The following FAM193B variants were observed in gnomAD, a reference collection of about 807,000 sequenced individuals.
FAM193B encodes protein FAM193B.
Under a neutral mutation model 70.7 loss-of-function variants are expected in FAM193B, and 27 were observed. The observed-to-expected ratio is 0.38, with a 90% CI of 0.28 to 0.53. The LOEUF is 0.53. FAM193B is among the 20% of genes least tolerant of loss of function. The pLI is 0.81. For synonymous variants in FAM193B, 448 were observed against 436.0 expected, an observed-to-expected ratio of 1.03 and a Z score of -0.34; for missense variants, 1,022 against 1,072.5, an observed-to-expected ratio of 0.95 and a Z score of 0.66.
chr5:177,520,507 C>T (rs77823252), intron 8 of FAM193B, among the ~76,000 whole-genome samples: 3,280 of 152,174 alleles, frequency 0.022, 53 homozygotes, highest in Middle Eastern at 0.044. Flanking sequence ...TGTAGGTGCA[C>T]AGCCCGGGGG....
chr5:177,553,978 G>A (rs888164575), intron 1 of FAM193B: 4 of 1,266,174 alleles, frequency 3.2e-6, no homozygotes, highest in Admixed American at 3.5e-5. Context: ...CCCAGTCCCA[G>A]TGTGGGTGTA....
chr5:177,549,592 G>T lies in FAM193B; in HGVS notation c.210+4657C>A, dbSNP rs569612192. Among the ~76,000 whole-genome samples the T allele has an allele frequency of 5.9e-5, 9 of 152,360 alleles. No homozygotes were observed. In the South Asian group the frequency reaches 1.9e-3, roughly 32 times the overall value. ...GGATTTGAACCTTTATTCAGAGGAA[G>T]CCGATGCTATATCTCCTTCTAGCAT... On this transcript the variant is annotated intron_variant, in intron 1 of 8. Transcript: ENST00000514747.
In FAM193B at chr5:177,540,499, T is replaced by C. The variant is rs575313486; in HGVS notation, c.211-1352A>G. ...CTTTGGCCAATGGGATGTTAGCAAA[T>C]AGGCTGCCAGCCATAAACCTGAAAG... On this transcript the variant is annotated intron_variant, in intron 1 of 8. Transcript: ENST00000514747. Among the ~76,000 whole-genome samples, 9 of 152,262 alleles carry C rather than the reference T, an allele frequency of 5.9e-5. No individual in the cohort carries two copies. In the South Asian group the frequency reaches 1.9e-3, roughly 32 times the overall value.
At chr5:177,537,384 G>A (rs1257783019) in intron 3 of FAM193B, among the ~76,000 whole-genome samples, 1 of 152,140 alleles carries the variant, frequency 6.6e-6, no homozygotes, top group African/African-American at 2.4e-5. Flanking sequence ...GTTATTTCAG[G>A]GTCAAAGAAG....
At chr5:177,539,387 G>A (rs755864446) in intron 1 of FAM193B, 16 of 481,454 alleles carry the variant, frequency 3.3e-5, no homozygotes, top group Non-Finnish European at 4.0e-5. Flanking sequence ...AAAAGCTAGC[G>A]AGTGGTTGAA....
intron 1 of FAM193B, among the ~76,000 whole-genome samples, chr5:177,542,383 T>C (rs1764956907): frequency 6.6e-6 from 1 of 152,226 alleles, no homozygotes. Context: ...GAAATAAATG[T>C]GACAAAGCAC....
Position 177,539,075 on chromosome 5 carries a change from C to A in FAM193B, c.283G>T (p.Glu95Ter). 6.2e-7 allele frequency: 1 copy of A among 1,613,344 alleles called. No homozygotes were observed. The highest frequency in any genetic ancestry group is 8.5e-7 in the Non-Finnish European group (1 of 1,179,590). Residue 95 changes from glutamate (E) to a stop codon, truncating the protein, a stop_gained, in exon 2 of 9, where the codon GAA becomes TAA. Coordinates refer to ENST00000514747, the MANE Select transcript of FAM193B (RefSeq NM_001190946.3). LOFTEE classifies it high-confidence loss of function. Reference sequence around the variant, plus strand: ...ACCAGTCCATTTTGAGAAGGGCCTTCTTCCCAGCCTTTGCGTTCCCGGTGA... The same window carrying A: ...ACCAGTCCATTTTGAGAAGGGCCTTATTCCCAGCCTTTGCGTTCCCGGTGA... ...LCHRERKGWE[E>*]GPSQNGLVLQ... is the part of the protein sequence containing the mutation.
chr5:177,521,503 G>A (rs2127442999), intron 8 of FAM193B, among the ~76,000 whole-genome samples: 1 of 152,218 alleles, frequency 6.6e-6, no homozygotes. Context: ...TTCACTCAGG[G>A]CTGGCCCCTT....
At position 177,538,131 on chromosome 5, in the gene FAM193B, C is replaced by T. The variant is rs1347058991; in HGVS notation, c.454-24G>A. Reference sequence around the variant, plus strand: ...ATCTGGAGAAGGGGGAGGAAAAAGGCTCACGGTCAAACAGCAAACATCGGA... The same window carrying T: ...ATCTGGAGAAGGGGGAGGAAAAAGGTTCACGGTCAAACAGCAAACATCGGA... On this transcript the variant is annotated intron_variant, in intron 2 of 8. Transcript: ENST00000514747. This position sits in a 1 kb window ranked among gnomAD's most constrained non-coding sequence, Gnocchi z 4.1. The T allele has an allele frequency of 4.6e-6, 7 of 1,518,726 alleles. No individual in the cohort carries two copies. The highest frequency in any genetic ancestry group is 6.2e-6 in the Non-Finnish European group (7 of 1,125,646). 94.1% of individuals were successfully genotyped at this position (1,518,726 alleles called of 1,614,324 possible).
At chr5:177,529,277 G>T (rs1386450820) in intron 5 of FAM193B, among the ~76,000 whole-genome samples, 1 of 151,504 alleles carries the variant, frequency 6.6e-6, no homozygotes. Flanking sequence ...GCTGGCAGTG[G>T]GAGAAGGGAG....
chr5:177,525,321 T>A, intron 5 of FAM193B, 116 bp from the exon 6 acceptor site: 1 of 1,124,562 alleles, frequency 8.9e-7, no homozygotes, highest in Non-Finnish European at 1.2e-6. Flanking sequence ...AGCAAAGCCT[T>A]AAAATCCTAG....
chr5:177,548,405 C>T (rs141521663), intron 1 of FAM193B, among the ~76,000 whole-genome samples: 28 of 152,312 alleles, frequency 1.8e-4, no homozygotes, highest in Admixed American at 1.8e-3. Context: ...TGGAAGTTGG[C>T]AAATATCATT....
At position 177,531,234 on chromosome 5, in the gene FAM193B, G is replaced by C. The variant is rs963351806; in HGVS notation, c.1275+1209C>G. ...CAGAAGTCCTGGGGGTTGGGGCGAGGGTCCTCAGGGAGGAGAGACGGCAGA... is the reference window on the plus strand; with the variant it reads ...CAGAAGTCCTGGGGGTTGGGGCGAGCGTCCTCAGGGAGGAGAGACGGCAGA... On this transcript the variant is annotated intron_variant, in intron 5 of 8. Coordinates refer to ENST00000514747, the MANE Select transcript of FAM193B (RefSeq NM_001190946.3). 6 of 1,223,150 alleles carry C rather than the reference G, an allele frequency of 4.9e-6. No individual in the cohort carries two copies. In the African/African-American group the frequency reaches 9.5e-5, roughly 19 times the overall value. The allele number at this position is 1,223,150 out of a possible 1,614,324, so 75.8% of individuals were successfully genotyped here. A position where few individuals can be genotyped will look rare whatever the true frequency, so the allele number is the denominator to read the frequency against.
chr5:177,543,828 C>T (rs113655516), intron 1 of FAM193B, among the ~76,000 whole-genome samples: 38 of 152,362 alleles, frequency 2.5e-4, no homozygotes, highest in African/African-American at 8.9e-4. Context: ...CAATCAGCTG[C>T]TCCCAAGCTG....
intron 5 of FAM193B, among the ~76,000 whole-genome samples, chr5:177,527,575 A>G (rs965199902): frequency 6.6e-6 from 1 of 152,238 alleles, no homozygotes; most frequent in Admixed American, 6.5e-5. Flanking sequence ...CACTCTGCCT[A>G]ACCTTTCCAT....
intron 4 of FAM193B, among the ~76,000 whole-genome samples, chr5:177,534,601 C>T (rs931559549): frequency 6.6e-6 from 1 of 151,880 alleles, no homozygotes; most frequent in African/African-American, 2.4e-5. Context: ...CGCGCCTGGC[C>T]AGCAAAATTG....
chr5:177,532,203 A>C lies in FAM193B; in HGVS notation c.1275+240T>G. ...TCTGCCATTTCCTTTCCTTTTGCCT[A>C]AGGAAAAAAAGTCAATCTTAAGAGA... On this transcript the variant is annotated intron_variant, in intron 5 of 8. Coordinates refer to ENST00000514747, the MANE Select transcript of FAM193B (RefSeq NM_001190946.3). The surrounding 1 kb of genome is among the most constrained non-coding windows in gnomAD (Gnocchi z 4.9). The C allele has an allele frequency of 6.7e-7, 1 of 1,495,188 alleles. No homozygotes were observed. Among genetic ancestry groups the C allele is most frequent in the Non-Finnish European group, 8.9e-7 (1 of 1,124,706 alleles). 92.6% of individuals were successfully genotyped at this position (1,495,188 alleles called of 1,614,324 possible). A position where few individuals can be genotyped will look rare whatever the true frequency, so the allele number is the denominator to read the frequency against.
At chr5:177,531,205 G>A (rs983493789) in intron 5 of FAM193B, 1 of 1,190,262 alleles carries the variant, frequency 8.4e-7, no homozygotes, top group South Asian at 1.5e-5. Flanking sequence ...CATCATTCAT[G>A]CCCCAGAAGT....
chr5:177,532,721 C>T lies in FAM193B; in HGVS notation c.1077-80G>A, dbSNP rs1392477603. On this transcript the variant is annotated intron_variant, in intron 4 of 8. Transcript: ENST00000514747. This position sits in a 1 kb window ranked among gnomAD's most constrained non-coding sequence, Gnocchi z 4.9. ...AAGCATCCCAACCACCACCTGCCAT[C>T]CTGACCGCCCTTCACTTGCCCCACT... 5.3e-6 allele frequency: 7 copies of T among 1,332,160 alleles called. No individual in the cohort carries two copies. Among genetic ancestry groups the T allele is most frequent in the African/African-American group, 4.5e-5 (3 of 66,868 alleles). The allele number at this position is 1,332,160 out of a possible 1,614,324, so 82.5% of individuals were successfully genotyped here.
Sources: gnomAD v4.1 joint callset for allele counts (sites outside exome capture counted in the v4.1 genomes callset) on GRCh38, gnomAD v4.1.1 for gene constraint, Gnocchi (gnomAD v3.1) non-coding constraint, MANE v1.5 for transcripts, NCBI Gene and HGNC (gene_info 2026-07-23, HGNC 2026-07-21) for gene names.